The following FGFR1 variants were observed in gnomAD, a reference collection of about 807,000 sequenced individuals.
The protein encoded by FGFR1 is FGFR1/PLAG1 fusion.
FGFR1 carries 18 observed loss-of-function variants against 93.7 expected under a neutral mutation model. The ratio of observed to expected loss-of-function variants is 0.19; its 90% CI spans 0.13 to 0.28. The LOEUF (loss-of-function observed/expected upper bound fraction) is 0.28. FGFR1 is among the 10% of genes least tolerant of loss of function. The pLI, the probability that FGFR1 is intolerant of heterozygous loss-of-function variation, is 1.00. For synonymous variants in FGFR1, 448 were observed against 429.3 expected, an observed-to-expected ratio of 1.04 and a Z score of -0.54; for missense variants, 731 against 1,080.4, an observed-to-expected ratio of 0.68 and a Z score of 4.53.
intron 10 of FGFR1, 88 bp from the exon 11 acceptor site, chr8:38,418,079 A>ACC (rs1226816943): frequency 6.2e-7 from 1 of 1,609,638 alleles, no homozygotes. Context: ...TCTGTATTTC[A>ACC]CCCAACTGCG....
At chr8:38,422,948 T>C (rs1819349423) in intron 7 of FGFR1, 1 of 747,800 alleles carries the variant, frequency 1.3e-6, no homozygotes, top group Admixed American at 1.8e-5. Flanking sequence ...AGTCCAGTAC[T>C]GGCTTCCCCG....
rs372110148 is a variant in FGFR1, at chr8:38,419,275, C to T, written c.1284+258G>A. 1.3e-4 allele frequency among the ~76,000 whole-genome samples: 19 copies of T among 151,624 alleles called. 1 individual carries two copies. In the South Asian group the frequency reaches 3.7e-3, roughly 30 times the overall value. On this transcript the variant is annotated intron_variant, in intron 9 of 17. Coordinates refer to ENST00000447712, the MANE Select transcript of FGFR1 (RefSeq NM_023110.3). Reference sequence around the variant, plus strand: ...TCATGCTATTGGCTGCACATTCTGTCCAAATAGGACTTCCTCCCAATCCAT... The same window carrying T: ...TCATGCTATTGGCTGCACATTCTGTTCAAATAGGACTTCCTCCCAATCCAT...
At chr8:38,439,234 C>A (rs557604377) in intron 2 of FGFR1, among the ~76,000 whole-genome samples, 2 of 152,282 alleles carry the variant, frequency 1.3e-5, no homozygotes, top group Non-Finnish European at 2.9e-5. Context: ...TCCAGGTACT[C>A]TTCCAGGGTT....
intron 2 of FGFR1, among the ~76,000 whole-genome samples, chr8:38,433,819 T>A (rs1475810085): frequency 6.6e-6 from 1 of 152,216 alleles, no homozygotes; most frequent in African/African-American, 2.4e-5. Context: ...ATTTAATGGT[T>A]TTTGTATATT....
intron 2 of FGFR1, among the ~76,000 whole-genome samples, chr8:38,438,050 A>G (rs1826032593): frequency 6.6e-6 from 1 of 152,176 alleles, no homozygotes; most frequent in South Asian, 2.1e-4. Flanking sequence ...CTACTGGCCA[A>G]TATTTCCAGC....
Position 38,413,515 on chromosome 8 carries a change from C to G in FGFR1, c.*113G>C. 7.9e-7 allele frequency: 1 copy of G among 1,258,534 alleles called. No individual in the cohort carries two copies. Among genetic ancestry groups the G allele is most frequent in the Non-Finnish European group, 1.1e-6 (1 of 913,050 alleles). 78.0% of individuals were successfully genotyped at this position (1,258,534 alleles called of 1,614,324 possible). A position where few individuals can be genotyped will look rare whatever the true frequency, so the allele number is the denominator to read the frequency against. On this transcript the variant is annotated 3_prime_UTR_variant, in exon 18 of 18. Coordinates refer to ENST00000447712, the MANE Select transcript of FGFR1 (RefSeq NM_023110.3). This position sits in a 1 kb window ranked among gnomAD's most constrained non-coding sequence, Gnocchi z 4.2. ...CACAGGAAGGCCCCTGGTAGGCAGC[C>G]GGCTCCTGCCAGCAGGAAAGGGGAC...
intron 1 of FGFR1, among the ~76,000 whole-genome samples, chr8:38,462,320 A>G (rs1311531071): frequency 1.3e-5 from 2 of 152,086 alleles, no homozygotes; most frequent in Non-Finnish European, 1.5e-5. Flanking sequence ...CCTGGCCAAC[A>G]TGGTGAAACC....
At position 38,418,324 on chromosome 8, in the gene FGFR1, C is replaced by T. The variant is rs367715495; in HGVS notation, c.1334G>A (p.Arg445Gln). The change falls in exon 10 of 18, where the codon CGG (arginine) becomes CAG (glutamine). Residue 445 changes from arginine (R) to glutamine (Q), a missense_variant. Arg to Gln is a conservative substitution (Grantham distance 43, BLOSUM62 1). Transcript: ENST00000447712. ...ASMNSGVLLV[R>Q]PSRLSSSGTP... ...CCCACTGGAGGAGAGCCGTGATGGC[C>T]GAACCAGAAGAACCCCAGAGTTCAT... The T allele has an allele frequency of 2.4e-5, 38 of 1,614,044 alleles. No individual in the cohort carries two copies. The highest frequency in any genetic ancestry group is 4.4e-5 in the South Asian group (4 of 91,086).
chr8:38,426,048 G>A lies in FGFR1; in HGVS notation c.745+74C>T. On this transcript the variant is annotated intron_variant, in intron 6 of 17. Coordinates refer to ENST00000447712, the MANE Select transcript of FGFR1 (RefSeq NM_023110.3). This position sits in a 1 kb window ranked among gnomAD's most constrained non-coding sequence, Gnocchi z 4.1. ...CCTGACTCTGCCCCTAAGAAACCTG[G>A]ACACCCCGGCTGTGTTCTCCAAGCC... 6.2e-7 allele frequency: 1 copy of A among 1,608,352 alleles called. No homozygotes were observed.
intron 2 of FGFR1, among the ~76,000 whole-genome samples, chr8:38,448,832 G>A (rs1249096544): frequency 6.6e-6 from 1 of 152,174 alleles, no homozygotes; most frequent in Non-Finnish European, 1.5e-5. Context: ...GTGGGTGCCT[G>A]TAATCCCAGC....
chr8:38,467,550 AACAC>A, intron 1 of FGFR1: 1 of 234,468 alleles, frequency 4.3e-6, no homozygotes, highest in African/African-American at 2.2e-5. Context: ...AGTGGAATGC[AACAC>A]ACACACATAA....
At chr8:38,415,101 C>G (rs2150569572) in intron 13 of FGFR1, among the ~76,000 whole-genome samples, 200 bp from the exon 14 acceptor site, 1 of 152,346 alleles carries the variant, frequency 6.6e-6, no homozygotes, top group South Asian at 2.1e-4. Context: ...TCCTCCCTTC[C>G]TTCCCCAAAG....
chr8:38,468,336 G>A lies in FGFR1; in HGVS notation c.-444C>T, dbSNP rs1835972353. 1 of 228,188 alleles carries A rather than the reference G, an allele frequency of 4.4e-6. No homozygotes were observed. The highest frequency in any genetic ancestry group is 8.7e-6 in the Non-Finnish European group (1 of 114,660). The allele number at this position is 228,188 out of a possible 1,614,324, so 14.1% of individuals were successfully genotyped here. Reference sequence around the variant, plus strand: ...CGCCCTGCGGAGGCCCCGGCGCCGCGGCGTGCCCGACTGCAGCACGGGTAC... The same window carrying A: ...CGCCCTGCGGAGGCCCCGGCGCCGCAGCGTGCCCGACTGCAGCACGGGTAC... On this transcript the variant is annotated 5_prime_UTR_variant, in exon 1 of 18. Transcript: ENST00000447712.
At position 38,424,276 on chromosome 8, in the gene FGFR1, C is replaced by A. The variant is rs1276886486; in HGVS notation, c.936+233G>T. On this transcript the variant is annotated intron_variant, in intron 7 of 17. Coordinates refer to ENST00000447712, the MANE Select transcript of FGFR1 (RefSeq NM_023110.3). The surrounding 1 kb of genome is among the most constrained non-coding windows in gnomAD (Gnocchi z 4.3). ...CGTTGCTCTCAAAGCTTATTACAGA[C>A]CAGCACCACCCATCCCTGCAGCCCT... The A allele has an allele frequency of 4.3e-6, 3 of 692,054 alleles. No homozygotes were observed. Among genetic ancestry groups the A allele is most frequent in the African/African-American group, 1.8e-5 (1 of 56,800 alleles). The allele number at this position is 692,054 out of a possible 1,614,324, so 42.9% of individuals were successfully genotyped here. A position where few individuals can be genotyped will look rare whatever the true frequency, so the allele number is the denominator to read the frequency against.
At chr8:38,433,566 C>T (rs2151017455) in intron 2 of FGFR1, among the ~76,000 whole-genome samples, 1 of 152,292 alleles carries the variant, frequency 6.6e-6, no homozygotes. Flanking sequence ...CGCCTCGGTC[C>T]TTGCATCTTC....
At chr8:38,446,520 CT>C (rs1354729369) in intron 2 of FGFR1, among the ~76,000 whole-genome samples, 3 of 151,982 alleles carry the variant, frequency 2.0e-5, no homozygotes, top group African/African-American at 7.3e-5. Flanking sequence ...CTAGGTGATC[CT>C]CCTACCTTAG....
At chr8:38,455,694 G>A (rs1832639184) in intron 2 of FGFR1, among the ~76,000 whole-genome samples, 1 of 152,116 alleles carries the variant, frequency 6.6e-6, no homozygotes, top group Non-Finnish European at 1.5e-5. Flanking sequence ...CAGGCAAACC[G>A]TTCTCCATAA....
chr8:38,428,501 C>A lies in FGFR1; in HGVS notation c.359-66G>T, dbSNP rs181142175. On this transcript the variant is annotated intron_variant, in intron 3 of 17. Coordinates refer to ENST00000447712, the MANE Select transcript of FGFR1 (RefSeq NM_023110.3). ...CCCCTAGATTTCACCAAGGCTAGTG[C>A]AGTTCCAGATGAACACGGACACCCT... is the stretch of plus-strand genomic sequence containing the variant. 2.3e-6 allele frequency: 3 copies of A among 1,322,642 alleles called. No individual in the cohort carries two copies. The Admixed American group carries it at 5.9e-5, about 26-fold the overall frequency. 81.9% of individuals were successfully genotyped at this position (1,322,642 alleles called of 1,614,324 possible). A position where few individuals can be genotyped will look rare whatever the true frequency, so the allele number is the denominator to read the frequency against.
intron 2 of FGFR1, among the ~76,000 whole-genome samples, chr8:38,452,751 C>A (rs563969272): frequency 2.6e-4 from 40 of 152,160 alleles, no homozygotes; most frequent in Non-Finnish European, 2.8e-4. Flanking sequence ...CCGAGGTGGG[C>A]AGATCATGAG....
Sources: allele counts gnomAD v4.1 joint callset (sites outside exome capture counted in the v4.1 genomes callset), GRCh38; gene constraint gnomAD v4.1.1; non-coding constraint Gnocchi (gnomAD v3.1); transcripts MANE v1.5; gene names NCBI Gene and HGNC (gene_info 2026-07-23, HGNC 2026-07-21).